Variants in DYSF observed in about 807,000 individuals in gnomAD.
DYSF encodes dysferlin, also known as dystrophy-associated fer-1-like 1.
Under a neutral mutation model 274.9 loss-of-function variants are expected in DYSF, and 212 were observed. The observed-to-expected ratio is 0.77, with a 90% CI of 0.69 to 0.86. The LOEUF (loss-of-function observed/expected upper bound fraction) is 0.86, where lower values mean the gene tolerates loss of function less well. Ranked by LOEUF, DYSF falls within the 40% of genes least tolerant of loss-of-function variation. The pLI, the probability that DYSF is intolerant of heterozygous loss-of-function variation, is 0.00. For synonymous variants in DYSF, 1,091 were observed against 1,078.7 expected, an observed-to-expected ratio of 1.01 and a Z score of -0.22; for missense variants, 2,666 against 2,783.2, an observed-to-expected ratio of 0.96 and a Z score of 0.95.
Position 71,669,147 on chromosome 2 carries a change from A to G in DYSF, c.5582A>G (p.Asp1861Gly). ...CGTTGTATTATCTGGAATACCAGAGATGTGATCCTGGATGACCTGAGCCTC... is the reference window on the plus strand; with the variant it reads ...CGTTGTATTATCTGGAATACCAGAGGTGTGATCCTGGATGACCTGAGCCTC... ...FLRCIIWNTR[D>G]VILDDLSLTG... The change falls in exon 50 of 56, where the codon GAT becomes GGT. Residue 1861 changes from aspartate (D) to glycine (G), a missense_variant. This residue lies in a region of DYSF where 1,460 missense variants were observed against 1,502.1 expected (regional missense o/e 0.97). Transcript: ENST00000410020. The G allele has an allele frequency of 1.2e-6, 2 of 1,610,036 alleles. No individual in the cohort carries two copies. The highest frequency in any genetic ancestry group is 1.7e-4 in the Middle Eastern group (1 of 6,058).
intron 1 of DYSF, among the ~76,000 whole-genome samples, chr2:71,477,705 G>T (rs2152672559): frequency 1.3e-5 from 2 of 152,326 alleles, no homozygotes; most frequent in South Asian, 4.1e-4. Context: ...CAAACTGCAA[G>T]ATAGAACAAT....
At chr2:71,635,771 AAAAAAG>A (rs1370276607) in intron 41 of DYSF, among the ~76,000 whole-genome samples, 1 of 127,858 alleles carries the variant, frequency 7.8e-6, no homozygotes, top group African/African-American at 2.8e-5. Context: ...AAAAAGAAAG[AAAAAAG>A]AAAAAGAAAA....
chr2:71,644,933 C>G (rs2094544602), intron 42 of DYSF, among the ~76,000 whole-genome samples: 1 of 152,180 alleles, frequency 6.6e-6, no homozygotes, highest in Admixed American at 6.5e-5. Context: ...GTTCCCTTAT[C>G]CCCCTTGCAG....
chr2:71,462,412 G>A (rs1573249834), upstream of DYSF, among the ~76,000 whole-genome samples: 1 of 152,208 alleles, frequency 6.6e-6, no homozygotes, highest in African/African-American at 2.4e-5. Context: ...GGGTGTCACA[G>A]CCATGTCACC....
chr2:71,483,461 G>A (rs1454642191), intron 3 of DYSF, among the ~76,000 whole-genome samples: 1 of 152,184 alleles, frequency 6.6e-6, no homozygotes, highest in Non-Finnish European at 1.5e-5. Context: ...CTTTGAAAAG[G>A]CCAGAAGGGG....
At chr2:71,591,803 CCTT>C (rs956437225) in intron 32 of DYSF, among the ~76,000 whole-genome samples, 1 of 152,216 alleles carries the variant, frequency 6.6e-6, no homozygotes, top group Non-Finnish European at 1.5e-5. Flanking sequence ...CAGTCTGTGT[CCTT>C]CTCTCCAGCA....
intron 1 of DYSF, among the ~76,000 whole-genome samples, chr2:71,471,348 A>G (rs2082021343): frequency 6.6e-6 from 1 of 152,202 alleles, no homozygotes; most frequent in Admixed American, 6.5e-5. Context: ...TTTTTTCCTC[A>G]GATGACATTT....
chr2:71,525,668 C>A (rs1485588305), intron 12 of DYSF, among the ~76,000 whole-genome samples: 1 of 152,036 alleles, frequency 6.6e-6, no homozygotes, highest in Middle Eastern at 3.4e-3. Context: ...AGACACAGTA[C>A]ATGTTATTGG....
chr2:71,500,374 T>A (rs952745811), intron 3 of DYSF, among the ~76,000 whole-genome samples: 1 of 152,134 alleles, frequency 6.6e-6, no homozygotes, highest in Admixed American at 6.5e-5. Context: ...CAGCCCTTCC[T>A]TCTACAGGAG....
chr2:71,617,577 GGTGT>G (rs1194799546), intron 40 of DYSF, among the ~76,000 whole-genome samples: 3 of 149,640 alleles, frequency 2.0e-5, no homozygotes, highest in Admixed American at 6.7e-5. Context: ...TGGTAGAGGT[GGTGT>G]GTGTGTGTGT....
intron 30 of DYSF, among the ~76,000 whole-genome samples, chr2:71,585,510 T>C (rs535995662): frequency 2.0e-4 from 30 of 152,290 alleles, no homozygotes; most frequent in Non-Finnish European, 1.8e-4. Context: ...CAAGAGGCCT[T>C]GTTACTTGCT....
In DYSF at chr2:71,520,230, C is replaced by T. The variant is rs77595657; in HGVS notation, c.1033+22C>T. The T allele has an allele frequency of 5.1e-4, 820 of 1,613,954 alleles. 7 individuals are homozygous for T. In the African/African-American group the frequency reaches 9.6e-3, roughly 19 times the overall value. ...CCCCGTGAGTTCTCACCACTTTGGCCGTATCCTTGCATTTTGGTTCTGGAG... is the reference window on the plus strand; with the variant it reads ...CCCCGTGAGTTCTCACCACTTTGGCTGTATCCTTGCATTTTGGTTCTGGAG... On this transcript the variant is annotated intron_variant, in intron 11 of 55. Transcript: ENST00000410020.
intron 45 of DYSF, among the ~76,000 whole-genome samples, chr2:71,663,764 A>C (rs1356439419): frequency 7.2e-5 from 11 of 152,176 alleles, no homozygotes; most frequent in Admixed American, 7.2e-4. Flanking sequence ...AGAGTCCAGA[A>C]AGCAGGTCCC....
At chr2:71,477,130 C>A (rs2082455323) in intron 1 of DYSF, among the ~76,000 whole-genome samples, 1 of 152,054 alleles carries the variant, frequency 6.6e-6, no homozygotes, top group African/African-American at 2.4e-5. Flanking sequence ...CATGAGAATG[C>A]AGGTTTTGAT....
chr2:71,590,929 T>C (rs1053140260), intron 32 of DYSF, among the ~76,000 whole-genome samples: 1 of 152,190 alleles, frequency 6.6e-6, no homozygotes, highest in African/African-American at 2.4e-5. Flanking sequence ...ATCTAGGTCA[T>C]TCTGGTTATC....
At chr2:71,593,918 A>T (rs985699539) in intron 32 of DYSF, among the ~76,000 whole-genome samples, 2 of 152,206 alleles carry the variant, frequency 1.3e-5, no homozygotes, top group African/African-American at 4.8e-5. Flanking sequence ...AACTGAGCCA[A>T]TGAGAGATGG....
intron 34 of DYSF, 31 bp downstream of exon 34, chr2:71,600,873 G>A (rs748402451): frequency 1.2e-6 from 2 of 1,604,416 alleles, no homozygotes; most frequent in South Asian, 2.2e-5. Flanking sequence ...GATCCAGGAG[G>A]CCCAGGCAGG....
At position 71,612,801 on chromosome 2, in the gene DYSF, G is replaced by A. The variant is rs776321883; in HGVS notation, c.4382G>A (p.Gly1461Asp). Residue 1461 changes from glycine (G) to aspartate (D), a missense_variant, in exon 39 of 56, where the codon GGC (glycine) becomes GAC (aspartate). Around this residue, in one of 3 missense-constraint regions of DYSF, gnomAD observed 1,460 missense variants for 1,502.1 expected, o/e 0.97. Coordinates refer to ENST00000410020, the MANE Select transcript of DYSF (RefSeq NM_001130987.2). ...GCGGAGAGTCCATCCCCACAGGGTG[G>A]CCCAGGTAGGGGAAGGGGAGATGAT... ...YSAESPSPQG[G>D]PDDVSLLSPG... 1 of 1,611,816 alleles carries A rather than the reference G, an allele frequency of 6.2e-7. No homozygotes were observed. Among genetic ancestry groups the A allele is most frequent in the Non-Finnish European group, 8.5e-7 (1 of 1,178,208 alleles).
intron 16 of DYSF, 30 bp downstream of exon 16, chr2:71,535,341 C>A (rs373383258): frequency 3.7e-6 from 6 of 1,611,538 alleles, no homozygotes; most frequent in Admixed American, 3.3e-5. Flanking sequence ...GTCTTTAGGG[C>A]GGGCTGTCCT....
Sources: gnomAD v4.1 joint callset for allele counts (sites outside exome capture counted in the v4.1 genomes callset) on GRCh38, gnomAD v4.1.1 for gene constraint, gnomAD v4.1.1 regional missense constraint, MANE v1.5 for transcripts, NCBI Gene and HGNC (gene_info 2026-07-23, HGNC 2026-07-21) for gene names.